SSPN: variants seen among roughly 807,000 people sequenced by gnomAD.
SSPN encodes K-ras oncogene-associated protein.
Under a neutral mutation model 19.1 loss-of-function variants are expected in SSPN, and 15 were observed. The observed-to-expected ratio is 0.78, with a 90% CI of 0.52 to 1.21. The LOEUF (loss-of-function observed/expected upper bound fraction) is 1.21. SSPN is among the 50% of genes most tolerant of loss of function. The pLI is 0.00. For synonymous variants in SSPN, 147 were observed against 140.3 expected, an observed-to-expected ratio of 1.05 and a Z score of -0.34; for missense variants, 291 against 314.0, an observed-to-expected ratio of 0.93 and a Z score of 0.55.
At chr12:26,146,641 A>G (rs59864248) in intron 1 of SSPN, among the ~76,000 whole-genome samples, 40,554 of 151,852 alleles carry the variant, frequency 0.27, 5,612 homozygotes, top group South Asian at 0.37. Context: ...TGGCCAACAT[A>G]GCAAAATCCA....
Position 26,231,227 on chromosome 12 carries a change from GC to G in SSPN, c.*152del, listed in dbSNP as rs1459657576. 8.6e-7 allele frequency: 1 copy of G among 1,168,410 alleles called. No individual in the cohort carries two copies. Among genetic ancestry groups the G allele is most frequent in the Non-Finnish European group, 1.1e-6 (1 of 875,200 alleles). 72.4% of individuals were successfully genotyped at this position (1,168,410 alleles called of 1,614,324 possible). A position where few individuals can be genotyped will look rare whatever the true frequency, so the allele number is the denominator to read the frequency against. On this transcript the variant is annotated 3_prime_UTR_variant, in exon 3 of 3. Transcript: ENST00000242729. ...TTTTATATTTTTATGAAACAAAAGA[GC>G]ATTTCTTCAGGTTTCTATTGTATTT...
chr12:26,184,187 C>T (rs2137444927), intron 1 of SSPN, among the ~76,000 whole-genome samples: 1 of 152,232 alleles, frequency 6.6e-6, no homozygotes, highest in Admixed American at 6.5e-5. Context: ...TCTGAATGGG[C>T]AAAGAGTAAG....
At chr12:26,212,141 C>T (rs2137481970) in intron 1 of SSPN, among the ~76,000 whole-genome samples, 2 of 152,182 alleles carry the variant, frequency 1.3e-5, no homozygotes, top group South Asian at 4.1e-4. Flanking sequence ...GTGAGGAAGC[C>T]CTGCTTTTGC....
chr12:26,221,197 CTAT>C (rs1239615431), intron 1 of SSPN, among the ~76,000 whole-genome samples: 1 of 152,056 alleles, frequency 6.6e-6, no homozygotes, highest in Admixed American at 6.5e-5. Flanking sequence ...TTTGCACGTA[CTAT>C]TACTCTCTCT....
chr12:26,198,879 T>C (rs1489530067), intron 1 of SSPN, among the ~76,000 whole-genome samples: 1 of 152,130 alleles, frequency 6.6e-6, no homozygotes, highest in Non-Finnish European at 1.5e-5. Context: ...GTTATATCAG[T>C]TTTCCCTGTT....
At position 26,232,124 on chromosome 12, in the gene SSPN, CTCTT is replaced by C. The variant is rs1945240906; in HGVS notation, c.*1049_*1052del. On this transcript the variant is annotated 3_prime_UTR_variant, in exon 3 of 3. Coordinates refer to ENST00000242729, the MANE Select transcript of SSPN (RefSeq NM_005086.5). ...ATTTGTGATATGTTGAAAAGCATCT[CTCTT>C]GGCAACCAATCTATGTTTGAGGAAG... is the stretch of plus-strand genomic sequence containing the variant. The C allele has an allele frequency of 1.0e-6, 1 of 985,348 alleles. No homozygotes were observed. 61.0% of individuals were successfully genotyped at this position (985,348 alleles called of 1,614,324 possible). A position where few individuals can be genotyped will look rare whatever the true frequency, so the allele number is the denominator to read the frequency against.
In SSPN at chr12:26,233,446, A is replaced by AAAATCATAAAC. The variant is rs1945256863; in HGVS notation, c.*2375_*2385dup. 1 of 152,074 alleles carries AAAATCATAAAC rather than the reference A, an allele frequency of 6.6e-6. No homozygotes were observed. Among genetic ancestry groups the AAAATCATAAAC allele is most frequent in the Non-Finnish European group, 1.5e-5 (1 of 68,018 alleles). The allele number at this position is 152,074 out of a possible 1,614,324, so 9.4% of individuals were successfully genotyped here. On this transcript the variant is annotated 3_prime_UTR_variant, in exon 3 of 3. Coordinates refer to ENST00000242729, the MANE Select transcript of SSPN (RefSeq NM_005086.5). This position sits in a 1 kb window ranked among gnomAD's most constrained non-coding sequence, Gnocchi z 4.3. ...ATCATTCTTAAGTCCCCAAGGAAAA[A>AAAATCATAAAC]AAATCATAAACAAATAGAAAGAACT...
At chr12:26,200,684 T>A (rs756315200) in intron 1 of SSPN, among the ~76,000 whole-genome samples, 5 of 152,072 alleles carry the variant, frequency 3.3e-5, no homozygotes, top group African/African-American at 9.7e-5. Flanking sequence ...TTCTATAGAG[T>A]TGTATTGACA....
chr12:26,161,989 G>A (rs1591855985), intron 1 of SSPN, among the ~76,000 whole-genome samples: 1 of 152,168 alleles, frequency 6.6e-6, no homozygotes, highest in African/African-American at 2.4e-5. Flanking sequence ...TGGCCCGGGG[G>A]TTGGGGACCA....
chr12:26,163,032 C>CGTGTGTGTGTGTGTGT (rs138827156), intron 1 of SSPN, among the ~76,000 whole-genome samples: 2 of 145,966 alleles, frequency 1.4e-5, no homozygotes, highest in African/African-American at 5.2e-5. Flanking sequence ...TGCTTCAAGA[C>CGTGTGTGTGTGTGTGT]GTGTGTGTGT....
At position 26,197,629 on chromosome 12, in the gene SSPN, G is replaced by T. The variant is rs138380000; in HGVS notation, c.279+1678G>T. ...AGAAAAAACTTATTTTAGGGTTTAA[G>T]GCATGAACATAAAAACCATGCAACT... is the stretch of plus-strand genomic sequence containing the variant. On this transcript the variant is annotated intron_variant, in intron 1 of 2. Coordinates refer to ENST00000242729, the MANE Select transcript of SSPN (RefSeq NM_005086.5). Among the ~76,000 whole-genome samples, 130 of 152,234 alleles carry T rather than the reference G, an allele frequency of 8.5e-4. No individual in the cohort carries two copies. In the East Asian group the frequency reaches 0.024, roughly 28 times the overall value.
At chr12:26,176,282 C>A (rs184671158) in intron 1 of SSPN, among the ~76,000 whole-genome samples, 10 of 152,286 alleles carry the variant, frequency 6.6e-5, no homozygotes, top group South Asian at 2.1e-4. Context: ...TATCTTTCAA[C>A]CTTTTATAGA....
intron 1 of SSPN, among the ~76,000 whole-genome samples, chr12:26,152,558 A>T (rs967976460): frequency 2.0e-5 from 3 of 152,182 alleles, no homozygotes; most frequent in Admixed American, 2.0e-4. Context: ...CTGTATTTTA[A>T]TCCAACAGCC....
At chr12:26,137,832 A>AT (rs1277106014) in intron 1 of SSPN, among the ~76,000 whole-genome samples, 10 of 150,254 alleles carry the variant, frequency 6.7e-5, no homozygotes, top group Admixed American at 6.6e-4. Context: ...CGCCCGGCTA[A>AT]TTTTTTTGTA....
chr12:26,164,656 C>A (rs1172856062), intron 1 of SSPN, among the ~76,000 whole-genome samples: 1 of 152,108 alleles, frequency 6.6e-6, no homozygotes, highest in Non-Finnish European at 1.5e-5. Flanking sequence ...AAATATAAGC[C>A]AGCCCTTTTC....
At chr12:26,151,217 T>C (rs1162026092) in intron 1 of SSPN, among the ~76,000 whole-genome samples, 1 of 152,132 alleles carries the variant, frequency 6.6e-6, no homozygotes, top group Non-Finnish European at 1.5e-5. Flanking sequence ...TGTGCTATAA[T>C]GCCAGCATGA....
chr12:26,179,835 G>A (rs78678676), intron 1 of SSPN, among the ~76,000 whole-genome samples: 2,977 of 151,000 alleles, frequency 0.02, 103 homozygotes, highest in African/African-American at 0.07. Flanking sequence ...ATATGTATAC[G>A]GTGTTGCAGT....
At chr12:26,142,829 A>G (rs1944468581) in intron 1 of SSPN, among the ~76,000 whole-genome samples, 1 of 152,238 alleles carries the variant, frequency 6.6e-6, no homozygotes, top group East Asian at 1.9e-4. Flanking sequence ...GAAGGAAAGA[A>G]TAAAGAATGT....
upstream of SSPN, among the ~76,000 whole-genome samples, chr12:26,191,973 G>GC (rs1294140795): frequency 6.6e-6 from 1 of 152,124 alleles, no homozygotes; most frequent in East Asian, 1.9e-4. Flanking sequence ...GGGAATGTAA[G>GC]ATCATGTGTT....
Sources: allele counts gnomAD v4.1 joint callset (sites outside exome capture counted in the v4.1 genomes callset), GRCh38; gene constraint gnomAD v4.1.1; non-coding constraint Gnocchi (gnomAD v3.1); transcripts MANE v1.5; gene names NCBI Gene and HGNC (gene_info 2026-07-23, HGNC 2026-07-21).